The following KCNQ3 variants were observed in gnomAD, a reference collection of about 807,000 sequenced individuals.
KCNQ3 encodes potassium voltage-gated channel subfamily KQT member 3.
Under a neutral mutation model 92.5 loss-of-function variants are expected in KCNQ3, and 30 were observed. The ratio of observed to expected loss-of-function variants is 0.32; its 90% CI spans 0.24 to 0.44. The LOEUF (loss-of-function observed/expected upper bound fraction) is 0.44, where lower values mean the gene tolerates loss of function less well. Ranked by LOEUF, KCNQ3 falls within the 20% of genes least tolerant of loss-of-function variation. The probability of loss-of-function intolerance (pLI) is 1.00; values close to 1 mark genes in which losing one functional copy is unlikely to be tolerated. For missense variants in KCNQ3, 913 were observed against 1,140.3 expected (o/e 0.80, Z 2.87); for synonymous variants, 450 against 468.8 (o/e 0.96, Z 0.52).
intron 1 of KCNQ3, among the ~76,000 whole-genome samples, chr8:132,478,325 A>C (rs761079869): frequency 5.9e-5 from 9 of 152,210 alleles, no homozygotes; most frequent in Non-Finnish European, 1.3e-4. Context: ...GGAAGAGAAG[A>C]AAGAGGGAGC....
intron 1 of KCNQ3, among the ~76,000 whole-genome samples, chr8:132,205,503 ACTGT>A (rs1259426892): frequency 6.6e-6 from 1 of 152,222 alleles, no homozygotes; most frequent in Non-Finnish European, 1.5e-5. Context: ...TTTATACAGC[ACTGT>A]CTGTGTACAA....
At chr8:132,475,673 G>T (rs1355654067) in intron 1 of KCNQ3, among the ~76,000 whole-genome samples, 1 of 152,178 alleles carries the variant, frequency 6.6e-6, no homozygotes, top group African/African-American at 2.4e-5. Flanking sequence ...GTTCACAAAG[G>T]GATGGTCTGA....
chr8:132,237,554 T>C (rs573880928), intron 1 of KCNQ3, among the ~76,000 whole-genome samples: 2 of 152,284 alleles, frequency 1.3e-5, no homozygotes, highest in African/African-American at 4.8e-5. Context: ...AGCAACCCAC[T>C]TGGTGCTGGC....
intron 1 of KCNQ3, among the ~76,000 whole-genome samples, chr8:132,398,826 G>C (rs146512194): frequency 6.6e-6 from 1 of 152,152 alleles, no homozygotes; most frequent in Non-Finnish European, 1.5e-5. Flanking sequence ...GGATTGAATG[G>C]GCTTTCCCAG....
intron 1 of KCNQ3, among the ~76,000 whole-genome samples, chr8:132,226,553 A>G (rs570360804): frequency 4.6e-5 from 7 of 152,336 alleles, no homozygotes; most frequent in African/African-American, 1.4e-4. Flanking sequence ...CAGAGCCAGA[A>G]TGACATAATA....
intron 1 of KCNQ3, among the ~76,000 whole-genome samples, chr8:132,408,361 C>G (rs1276864051): frequency 6.6e-6 from 1 of 152,094 alleles, no homozygotes; most frequent in Admixed American, 6.5e-5. Context: ...GTACTGGAGT[C>G]CCTTCTGTGC....
Position 132,403,016 on chromosome 8 carries a change from C to CAAAAAAAAAAAAA in KCNQ3, c.386+77118_386+77130dup, listed in dbSNP as rs375099145. 1.8e-3 allele frequency among the ~76,000 whole-genome samples: 125 copies of CAAAAAAAAAAAAA among 67,590 alleles called. 11 individuals are homozygous for CAAAAAAAAAAAAA. The highest frequency in any genetic ancestry group is 7.7e-3 in the African/African-American group (90 of 11,684). 44.3% of individuals were successfully genotyped at this position (67,590 alleles called of 152,430 possible). On this transcript the variant is annotated intron_variant, in intron 1 of 14. Coordinates refer to ENST00000388996, the MANE Select transcript of KCNQ3 (RefSeq NM_004519.4). The stretch of plus-strand genomic sequence containing the variant: ...CTGGCAACAGGGCGAGGCACCATCA[C>CAAAAAAAAAAAAA]AAAAAAAAAAAAAAAAGTGTCAATA...
At chr8:132,293,180 T>A (rs1227233184) in intron 1 of KCNQ3, among the ~76,000 whole-genome samples, 1 of 152,178 alleles carries the variant, frequency 6.6e-6, no homozygotes, top group Admixed American at 6.5e-5. Context: ...AATATCCATA[T>A]AATAAACTGT....
At chr8:132,335,858 C>T (rs1586936667) in intron 1 of KCNQ3, among the ~76,000 whole-genome samples, 1 of 152,168 alleles carries the variant, frequency 6.6e-6, no homozygotes, top group African/African-American at 2.4e-5. Flanking sequence ...TTTTCCTCCT[C>T]TCCACTAGTG....
chr8:132,235,865 G>T (rs1586852332), intron 1 of KCNQ3, among the ~76,000 whole-genome samples: 1 of 152,190 alleles, frequency 6.6e-6, no homozygotes, highest in Non-Finnish European at 1.5e-5. Context: ...TTTCTAAGCG[G>T]CTTTCAGTAA....
At chr8:132,433,660 C>A (rs1228211402) in intron 1 of KCNQ3, among the ~76,000 whole-genome samples, 1 of 151,888 alleles carries the variant, frequency 6.6e-6, no homozygotes, top group Non-Finnish European at 1.5e-5. Flanking sequence ...GAGGCCAAGG[C>A]AGGCGGATCA....
chr8:132,226,805 T>A (rs1197058997), intron 1 of KCNQ3, among the ~76,000 whole-genome samples: 1 of 152,086 alleles, frequency 6.6e-6, no homozygotes, highest in East Asian at 1.9e-4. Flanking sequence ...CTGGGGAGGA[T>A]ATCACTGTGT....
rs925442143 is a variant in KCNQ3, at chr8:132,333,193, C to A, written c.386+146954G>T. 1.3e-5 allele frequency among the ~76,000 whole-genome samples: 2 copies of A among 152,180 alleles called. 1 individual carries two copies. The highest frequency in any genetic ancestry group is 1.3e-4 in the Admixed American group (2 of 15,270). ...TGTGCCCTTCAAGATAAAGCCTGGACAATTCCTCATGGCCTAAAGCAGAGC... is the reference window on the plus strand; with the variant it reads ...TGTGCCCTTCAAGATAAAGCCTGGAAAATTCCTCATGGCCTAAAGCAGAGC... On this transcript the variant is annotated intron_variant, in intron 1 of 14. Transcript: ENST00000388996.
chr8:132,159,467 G>C (rs564348683), intron 9 of KCNQ3, among the ~76,000 whole-genome samples: 1 of 152,292 alleles, frequency 6.6e-6, no homozygotes, highest in African/African-American at 2.4e-5. Context: ...TACTCTTCAA[G>C]GGGTAGAGAT....
chr8:132,404,771 G>A (rs1476791868), intron 1 of KCNQ3, among the ~76,000 whole-genome samples: 2 of 152,212 alleles, frequency 1.3e-5, no homozygotes, highest in East Asian at 1.9e-4. Flanking sequence ...TCAGGAGGAT[G>A]AGACAAGGAG....
At chr8:132,357,263 T>C (rs572405250) in intron 1 of KCNQ3, among the ~76,000 whole-genome samples, 15 of 152,322 alleles carry the variant, frequency 9.8e-5, no homozygotes, top group African/African-American at 3.6e-4. Flanking sequence ...GAGTGGTTCC[T>C]TTGGAAGGTA....
chr8:132,248,778 G>C (rs1815280586), intron 1 of KCNQ3, among the ~76,000 whole-genome samples: 1 of 152,166 alleles, frequency 6.6e-6, no homozygotes, highest in African/African-American at 2.4e-5. Context: ...TGAAGAACAA[G>C]ATCCAGCTGA....
intron 1 of KCNQ3, among the ~76,000 whole-genome samples, chr8:132,345,444 A>T (rs1046496367): frequency 6.6e-6 from 1 of 152,220 alleles, no homozygotes; most frequent in Non-Finnish European, 1.5e-5. Context: ...GGCACTGGGG[A>T]TGCAGTGAAC....
At chr8:132,472,027 T>C (rs1241897163) in intron 1 of KCNQ3, among the ~76,000 whole-genome samples, 3 of 152,112 alleles carry the variant, frequency 2.0e-5, no homozygotes, top group Non-Finnish European at 4.4e-5. Context: ...TATCACTAAT[T>C]ATCAGGAAAA....
Sources: gnomAD v4.1 joint callset for allele counts (sites outside exome capture counted in the v4.1 genomes callset) on GRCh38, gnomAD v4.1.1 for gene constraint, MANE v1.5 for transcripts, NCBI Gene and HGNC (gene_info 2026-07-23, HGNC 2026-07-21) for gene names.